STK38: variants seen among roughly 807,000 people sequenced by gnomAD.
STK38 encodes the protein serine/threonine-protein kinase 38.
Under a neutral mutation model 59.0 loss-of-function variants are expected in STK38, and 26 were observed. That is an observed-to-expected ratio of 0.44 (90% CI 0.32 to 0.61). The LOEUF (loss-of-function observed/expected upper bound fraction) is 0.61. Ranked by LOEUF, STK38 falls within the 20% of genes least tolerant of loss-of-function variation. STK38 has a pLI of 0.04. For missense variants in STK38, 433 were observed against 566.0 expected (o/e 0.76, Z 2.38); for synonymous variants, 175 against 176.6 (o/e 0.99, Z 0.07).
In STK38 at chr6:36,512,115, G is replaced by A. The variant is rs554177072; in HGVS notation, c.669+3223C>T. ...AAGAAAGTAAAACTTTTTAAAAGCA[G>A]TTCCTGGAGCAAATGCTATTCAAGC... On this transcript the variant is annotated intron_variant, in intron 7 of 13. Coordinates refer to ENST00000229812, the MANE Select transcript of STK38 (RefSeq NM_007271.4). 2.0e-5 allele frequency among the ~76,000 whole-genome samples: 3 copies of A among 152,232 alleles called. No individual in the cohort carries two copies. The East Asian group carries it at 5.8e-4, about 29-fold the overall frequency.
At chr6:36,510,445 G>T (rs532160726) in intron 7 of STK38, among the ~76,000 whole-genome samples, 14 of 152,330 alleles carry the variant, frequency 9.2e-5, no homozygotes, top group African/African-American at 3.4e-4. Context: ...CAAGCTCATG[G>T]GCTTCTGGGA....
chr6:36,499,407 T>C (rs1444739191), intron 10 of STK38, among the ~76,000 whole-genome samples: 1 of 152,080 alleles, frequency 6.6e-6, no homozygotes, highest in African/African-American at 2.4e-5. Context: ...CTTAATCTAG[T>C]GCTCACTGGC....
At chr6:36,497,451 T>C (rs1278906854) in intron 12 of STK38, among the ~76,000 whole-genome samples, 1 of 152,240 alleles carries the variant, frequency 6.6e-6, no homozygotes, top group African/African-American at 2.4e-5. Flanking sequence ...CCTTCCACCC[T>C]GTGGGCAGGA....
chr6:36,525,342 T>C (rs1367207070), intron 3 of STK38, among the ~76,000 whole-genome samples: 1 of 152,220 alleles, frequency 6.6e-6, no homozygotes, highest in East Asian at 1.9e-4. Context: ...TTTGATTTCA[T>C]CCCTGCTTTC....
chr6:36,524,320 A>T (rs1258272397), intron 4 of STK38, 21 bp downstream of exon 4: 1 of 1,592,744 alleles, frequency 6.3e-7, no homozygotes, highest in Non-Finnish European at 8.5e-7. Flanking sequence ...TTTCTACTTG[A>T]CAAGTAGCTG....
intron 2 of STK38, among the ~76,000 whole-genome samples, chr6:36,537,615 T>C (rs1024498317): frequency 1.3e-5 from 2 of 152,120 alleles, no homozygotes; most frequent in Non-Finnish European, 2.9e-5. Context: ...AAAAATATGC[T>C]GGCCAGGTGT....
At chr6:36,503,945 T>A (rs1776900819) in intron 9 of STK38, among the ~76,000 whole-genome samples, 1 of 152,160 alleles carries the variant, frequency 6.6e-6, no homozygotes, top group South Asian at 2.1e-4. Flanking sequence ...CACACCAGGG[T>A]GTCCTCCAAC....
chr6:36,499,803 A>G, intron 10 of STK38, 70 bp downstream of exon 10: 3 of 1,234,262 alleles, frequency 2.4e-6, no homozygotes, highest in Non-Finnish European at 3.6e-6. Flanking sequence ...CAATTGAAAC[A>G]GAGGCTGGTA....
chr6:36,527,639 C>T (rs1008510433), intron 2 of STK38, among the ~76,000 whole-genome samples: 1 of 152,026 alleles, frequency 6.6e-6, no homozygotes, highest in African/African-American at 2.4e-5. Flanking sequence ...TCTATAGTCT[C>T]ATAAAACTAA....
In STK38 at chr6:36,540,862, C is replaced by A. The variant is rs140222289; in HGVS notation, c.-5-655G>T. On this transcript the variant is annotated intron_variant, in intron 1 of 13. Transcript: ENST00000229812. ...GTGCTGGGATTACAACTGTGAGCCA[C>A]CGCGCCTGGCCCACACAAATATATC... Among the ~76,000 whole-genome samples the A allele has an allele frequency of 4.0e-3, 600 of 151,506 alleles. 5 individuals are homozygous for A. The highest frequency in any genetic ancestry group is 0.013 in the African/African-American group (555 of 41,236).
At chr6:36,521,940 A>G (rs1777386986) in intron 4 of STK38, 123 bp from the exon 5 acceptor site, 2 of 690,650 alleles carry the variant, frequency 2.9e-6, no homozygotes, top group Non-Finnish European at 4.7e-6. Context: ...GCAACTAGTA[A>G]TAACAAAGCA....
At chr6:36,499,283 C>T (rs150651311) in intron 10 of STK38, among the ~76,000 whole-genome samples, 196 of 152,274 alleles carry the variant, frequency 1.3e-3, no homozygotes, top group African/African-American at 4.3e-3. Flanking sequence ...CACGCACACA[C>T]CCTATCACCC....
intron 5 of STK38, among the ~76,000 whole-genome samples, chr6:36,520,456 A>G (rs777797251): frequency 7.2e-5 from 11 of 152,236 alleles, no homozygotes; most frequent in Admixed American, 7.2e-4. Context: ...CTGACAGTTA[A>G]TATTTAATAA....
intron 9 of STK38, among the ~76,000 whole-genome samples, chr6:36,505,648 A>G (rs1776946121): frequency 6.6e-6 from 1 of 152,220 alleles, no homozygotes; most frequent in South Asian, 2.1e-4. Context: ...AGTTACTACC[A>G]TATATGTGGG....
intron 2 of STK38, among the ~76,000 whole-genome samples, chr6:36,527,828 G>A (rs1561987450): frequency 2.0e-5 from 3 of 151,756 alleles, no homozygotes; most frequent in African/African-American, 7.3e-5. Context: ...GGCCAGGTGC[G>A]GTGGCTCACG....
chr6:36,536,965 T>A (rs1777807002), intron 2 of STK38, among the ~76,000 whole-genome samples: 1 of 151,960 alleles, frequency 6.6e-6, no homozygotes. Context: ...GCCTAAAGAT[T>A]TTGTTAACAA....
rs1776659723 is a variant in STK38 at position 36,494,810 on chromosome 6, C to T, written c.*974G>A. ...TATTGGGCTGGTTCCTTCACCATTT[C>T]CAAAGGGGTTCTGGAGACCTTGCAG... On this transcript the variant is annotated 3_prime_UTR_variant, in exon 14 of 14. Coordinates refer to ENST00000229812, the MANE Select transcript of STK38 (RefSeq NM_007271.4). 6.6e-6 allele frequency: 1 copy of T among 152,418 alleles called. No individual in the cohort carries two copies. The highest frequency in any genetic ancestry group is 2.4e-5 in the African/African-American group (1 of 41,454). 9.4% of individuals were successfully genotyped at this position (152,418 alleles called of 1,614,324 possible).
intron 4 of STK38, 149 bp downstream of exon 4, chr6:36,524,192 A>T: frequency 1.1e-6 from 1 of 890,132 alleles, no homozygotes; most frequent in Non-Finnish European, 1.6e-6. Context: ...GAGAAAGCAG[A>T]CAGACAAAGC....
intron 6 of STK38, among the ~76,000 whole-genome samples, chr6:36,516,151 T>C (rs1777246630): frequency 1.3e-5 from 2 of 152,204 alleles, no homozygotes; most frequent in Admixed American, 6.5e-5. Flanking sequence ...TAGTGCGTTA[T>C]TATAGGTATT....
Sources: gnomAD v4.1 joint callset for allele counts (sites outside exome capture counted in the v4.1 genomes callset) on GRCh38, gnomAD v4.1.1 for gene constraint, MANE v1.5 for transcripts, NCBI Gene and HGNC (gene_info 2026-07-23, HGNC 2026-07-21) for gene names.